ANKFN1: variants seen among roughly 807,000 people sequenced by gnomAD.
ANKFN1 encodes the protein ankyrin repeat and fibronectin type III domain containing 1.
ANKFN1 carries 74 observed loss-of-function variants against 108.7 expected under a neutral mutation model. The ratio of observed to expected loss-of-function variants is 0.68; its 90% CI spans 0.56 to 0.83. The LOEUF (loss-of-function observed/expected upper bound fraction) is 0.83, where lower values mean the gene tolerates loss of function less well. ANKFN1 is among the 40% of genes least tolerant of loss of function. The pLI is 0.00. For synonymous variants in ANKFN1, 547 were observed against 516.2 expected (o/e 1.06, Z -0.81); for missense variants, 1,505 against 1,382.3 (o/e 1.09, Z -1.41).
intron 20 of ANKFN1, among the ~76,000 whole-genome samples, chr17:56,500,538 CCTACCTG>C (rs1468916817): frequency 6.6e-6 from 1 of 152,152 alleles, no homozygotes; most frequent in African/African-American, 2.4e-5. Flanking sequence ...CTGGTAATTG[CCTACCTG>C]CTATGAAGTT....
intron 20 of ANKFN1, 117 bp downstream of exon 20, chr17:56,499,215 C>T (rs368515819): frequency 1.0e-6 from 1 of 973,890 alleles, no homozygotes; most frequent in Non-Finnish European, 1.5e-6. Context: ...AAACACTGCT[C>T]AGGGGTAAGA....
intron 4 of ANKFN1, among the ~76,000 whole-genome samples, chr17:56,082,062 C>T (rs1905252401): frequency 6.6e-6 from 1 of 152,160 alleles, no homozygotes; most frequent in African/African-American, 2.4e-5. Flanking sequence ...AACTGCCTGA[C>T]CATCACTTGA....
intron 3 of ANKFN1, among the ~76,000 whole-genome samples, chr17:56,237,546 T>C (rs139851030): frequency 3.9e-4 from 60 of 152,298 alleles, no homozygotes; most frequent in African/African-American, 1.4e-3. Context: ...CCATCTCTTC[T>C]AGGTTTTCTA....
intron 1 of ANKFN1, among the ~76,000 whole-genome samples, chr17:56,192,242 A>G (rs890542696): frequency 5.1e-4 from 75 of 148,330 alleles, no homozygotes; most frequent in African/African-American, 1.8e-3. Flanking sequence ...CCTTATACAA[A>G]AATTAATTCA....
At chr17:56,101,808 T>A (rs1488958535) in intron 4 of ANKFN1, among the ~76,000 whole-genome samples, 1 of 152,196 alleles carries the variant, frequency 6.6e-6, no homozygotes, top group Admixed American at 6.5e-5. Flanking sequence ...GTCTCTTGCA[T>A]CAGAATACCT....
chr17:56,122,600 CCTT>C lies in ANKFN1; in HGVS notation c.288+76281_288+76283del, dbSNP rs1906692002. Among the ~76,000 whole-genome samples, 3 of 152,284 alleles carry C rather than the reference CCTT, an allele frequency of 2.0e-5. No homozygotes were observed. The South Asian group carries it at 6.2e-4, about 32-fold the overall frequency. ...AGAAAACTTCATTCATCCCCTACTC[CCTT>C]CTTCTGCTTCAGACTATTGGAACTC... On this transcript the variant is annotated intron_variant, in intron 4 of 12. Coordinates refer to the ANKFN1 transcript ENST00000635860.
At chr17:56,167,318 CATATATAT>C (rs72496812) in intron 1 of ANKFN1, among the ~76,000 whole-genome samples, 60 of 133,242 alleles carry the variant, frequency 4.5e-4, no homozygotes, top group African/African-American at 6.2e-4. Context: ...CACACACACA[CATATATAT>C]ATATATATAT....
At chr17:56,152,057 G>A (rs935475949), upstream of ANKFN1, among the ~76,000 whole-genome samples, 3 of 152,070 alleles carry the variant, frequency 2.0e-5, no homozygotes, top group African/African-American at 7.2e-5. Context: ...CTGGTAGAGG[G>A]CCATTCCTGT....
intron 6 of ANKFN1, among the ~76,000 whole-genome samples, chr17:56,358,723 A>G (rs1472725999): frequency 1.3e-5 from 2 of 152,162 alleles, no homozygotes; most frequent in Non-Finnish European, 2.9e-5. Flanking sequence ...AAGGACTGCA[A>G]CTAGGAAAGC....
At chr17:56,095,314 C>T (rs1421627578) in intron 4 of ANKFN1, among the ~76,000 whole-genome samples, 2 of 144,772 alleles carry the variant, frequency 1.4e-5, no homozygotes, top group Non-Finnish European at 3.0e-5. Flanking sequence ...TTTTCTGATA[C>T]GTGGTCTTAT....
chr17:56,236,815 A>T (rs537148653), intron 3 of ANKFN1, among the ~76,000 whole-genome samples: 23 of 152,250 alleles, frequency 1.5e-4, no homozygotes, highest in African/African-American at 5.3e-4. Context: ...TACATTGACT[A>T]TGAGGAGTGA....
intron 4 of ANKFN1, among the ~76,000 whole-genome samples, chr17:56,058,964 T>A (rs907519602): frequency 9.2e-5 from 14 of 152,240 alleles, no homozygotes; most frequent in African/African-American, 3.4e-4. Context: ...ATGGGATTGC[T>A]GGGTCAAATG....
intron 1 of ANKFN1, among the ~76,000 whole-genome samples, chr17:56,172,942 C>T (rs904918121): frequency 1.3e-5 from 2 of 152,162 alleles, no homozygotes; most frequent in African/African-American, 2.4e-5. Flanking sequence ...TCTTAGCAAA[C>T]GTCATGCTGT....
chr17:56,508,861 C>T (rs1319700547), intron 20 of ANKFN1, among the ~76,000 whole-genome samples: 1 of 152,172 alleles, frequency 6.6e-6, no homozygotes, highest in East Asian at 1.9e-4. Context: ...TATATCCACT[C>T]AAGCACCAAG....
intron 11 of ANKFN1, among the ~76,000 whole-genome samples, chr17:56,454,353 TCTTA>T (rs1397212561): frequency 2.6e-5 from 4 of 152,220 alleles, no homozygotes; most frequent in South Asian, 2.1e-4. Flanking sequence ...GCAAGTCTTC[TCTTA>T]CTTCTCAGAA....
At chr17:56,358,071 T>G (rs2046420702) in intron 6 of ANKFN1, among the ~76,000 whole-genome samples, 1 of 152,210 alleles carries the variant, frequency 6.6e-6, no homozygotes, top group Admixed American at 6.5e-5. Context: ...ACACATTAGA[T>G]GCTCAATTCC....
At chr17:56,409,712 A>G (rs533744649) in intron 8 of ANKFN1, among the ~76,000 whole-genome samples, 1 of 152,194 alleles carries the variant, frequency 6.6e-6, no homozygotes, top group Admixed American at 6.5e-5. Context: ...CAGCTACATC[A>G]TGATTATAAT....
chr17:56,372,666 G>A lies in ANKFN1; in HGVS notation c.622G>A (p.Ala208Thr), dbSNP rs764016966. ...TTTAGTTGTCAGCCTGGAAAGCCGA[G>A]CAATGCACCTCAACACACTGGTCCA... is the stretch of plus-strand genomic sequence containing the variant. Reference protein sequence around the residue: ...SPHFVSLESRAMHLNTLVQEA... With the variant: ...SPHFVSLESRTMHLNTLVQEA... Residue 208 changes from alanine to threonine, a missense_variant, in exon 7 of 21, where the codon GCA (alanine) becomes ACA (threonine). Coordinates refer to ENST00000682825, the MANE Select transcript of ANKFN1 (RefSeq NM_001370326.1). 3.1e-6 allele frequency: 5 copies of A among 1,612,726 alleles called. No homozygotes were observed. The highest frequency in any genetic ancestry group is 1.1e-5 in the South Asian group (1 of 90,896).
chr17:56,242,224 G>A (rs1459160008), intron 3 of ANKFN1, among the ~76,000 whole-genome samples: 1 of 151,986 alleles, frequency 6.6e-6, no homozygotes, highest in Non-Finnish European at 1.5e-5. Context: ...TGACTTTTAA[G>A]ATTGGTCTGT....
Sources: allele counts gnomAD v4.1 joint callset (sites outside exome capture counted in the v4.1 genomes callset), GRCh38; gene constraint gnomAD v4.1.1; transcripts MANE v1.5; gene names NCBI Gene and HGNC (gene_info 2026-07-23, HGNC 2026-07-21).